The following ECSCR variants were observed in gnomAD, a reference collection of about 807,000 sequenced individuals.
ECSCR encodes the protein endothelial cell-specific chemotaxis regulator.
A neutral mutation model predicts 16.7 loss-of-function variants in ECSCR; 12 were observed. The observed-to-expected ratio is 0.72, with a 90% CI of 0.46 to 1.17. The LOEUF (loss-of-function observed/expected upper bound fraction) is 1.17. Among genes scored for constraint, ECSCR ranks in the 50% most tolerant of loss-of-function variants. ECSCR has a pLI of 0.00. For synonymous variants in ECSCR, 44 were observed against 42.2 expected, an observed-to-expected ratio of 1.04 and a Z score of -0.17; for missense variants, 122 against 116.1, an observed-to-expected ratio of 1.05 and a Z score of -0.23.
intron 8 of ECSCR, 37 bp from the exon 9 acceptor site, chr5:139,449,211 G>T: frequency 6.8e-7 from 1 of 1,467,822 alleles, no homozygotes. Context: ...AAGAGAGGAG[G>T]AGGGCAGGGC....
chr5:139,451,031 G>C (rs994005596), intron 8 of ECSCR, among the ~76,000 whole-genome samples: 1 of 152,080 alleles, frequency 6.6e-6, no homozygotes, highest in Admixed American at 6.6e-5. Context: ...GTCTGCCCCT[G>C]TCCTGCCCAC....
At chr5:139,450,185 G>A (rs1032959748) in intron 8 of ECSCR, among the ~76,000 whole-genome samples, 4 of 152,020 alleles carry the variant, frequency 2.6e-5, no homozygotes, top group South Asian at 2.1e-4. Flanking sequence ...GAGCCACCGC[G>A]CCTGGCCTAA....
intron 8 of ECSCR, among the ~76,000 whole-genome samples, chr5:139,449,732 A>G (rs1750994858): frequency 6.6e-6 from 1 of 151,568 alleles, no homozygotes; most frequent in Non-Finnish European, 1.5e-5. Flanking sequence ...TTATTTTTTT[A>G]GTTTTTATTG....
chr5:139,448,890 A>G lies in ECSCR; in HGVS notation c.*10T>C. The G allele has an allele frequency of 6.5e-7, 1 of 1,537,258 alleles. No individual in the cohort carries two copies. Among genetic ancestry groups the G allele is most frequent in the South Asian group, 1.2e-5 (1 of 84,064 alleles). On this transcript the variant is annotated 3_prime_UTR_variant, in exon 10 of 10. Transcript: ENST00000618155. ...ATCATCCTTGGACTCATGGGGACCCAAAGTTGCTTTTAAAGAACCTGCAAA... is the reference window on the plus strand; with the variant it reads ...ATCATCCTTGGACTCATGGGGACCCGAAGTTGCTTTTAAAGAACCTGCAAA...
At chr5:139,461,577 A>C (rs1438032751) in intron 1 of ECSCR, among the ~76,000 whole-genome samples, 1 of 152,124 alleles carries the variant, frequency 6.6e-6, no homozygotes, top group Admixed American at 6.5e-5. Flanking sequence ...CCACCTCATG[A>C]GCTTCACCTG....
intron 8 of ECSCR, among the ~76,000 whole-genome samples, chr5:139,454,394 G>T (rs1751112371): frequency 1.3e-5 from 2 of 149,212 alleles, no homozygotes; most frequent in East Asian, 4.0e-4. Context: ...GAAGTGTAGG[G>T]TGTGTGGTGG....
At chr5:139,461,192 A>G (rs1160833125) in intron 1 of ECSCR, among the ~76,000 whole-genome samples, 2 of 152,206 alleles carry the variant, frequency 1.3e-5, no homozygotes, top group Non-Finnish European at 2.9e-5. Context: ...AAGTGGTATC[A>G]GTACCTCGCA....
chr5:139,460,082 G>A (rs1407829266), intron 1 of ECSCR, among the ~76,000 whole-genome samples: 2 of 151,918 alleles, frequency 1.3e-5, no homozygotes, highest in Admixed American at 1.3e-4. Context: ...CCCAAGGCAT[G>A]TCCTGAAAAC....
At chr5:139,460,321 A>T (rs964674475) in intron 1 of ECSCR, among the ~76,000 whole-genome samples, 2 of 152,058 alleles carry the variant, frequency 1.3e-5, no homozygotes, top group Admixed American at 1.3e-4. Context: ...TGTTTAGTAG[A>T]GATGGGGTTT....
intron 8 of ECSCR, among the ~76,000 whole-genome samples, chr5:139,453,792 G>A (rs1404947473): frequency 1.4e-5 from 2 of 145,704 alleles, no homozygotes; most frequent in Non-Finnish European, 3.0e-5. Flanking sequence ...TATAGTACAG[G>A]GTGTGTGTGG....
chr5:139,455,143 A>G (rs921488923), intron 6 of ECSCR, among the ~76,000 whole-genome samples, 180 bp downstream of exon 6: 2 of 150,168 alleles, frequency 1.3e-5, no homozygotes, highest in African/African-American at 2.5e-5. Context: ...CATGGAACCC[A>G]GCACAGCCAA....
At chr5:139,455,779 C>T (rs955770062) in intron 5 of ECSCR, among the ~76,000 whole-genome samples, 15 of 143,802 alleles carry the variant, frequency 1.0e-4, no homozygotes, top group Non-Finnish European at 1.8e-4. Context: ...GAGTTTGAGA[C>T]CAGCCTGACC....
intron 1 of ECSCR, among the ~76,000 whole-genome samples, chr5:139,458,500 C>CAAAAAAAAAAAAAAAAAAAAAAAA (rs397882364): frequency 2.9e-4 from 25 of 85,352 alleles, no homozygotes; most frequent in Middle Eastern, 8.8e-3. Context: ...CCTATCTCAA[C>CAAAAAAAAAAAAAAAAAAAAAAAA]AAAAAAAAAA....
At chr5:139,459,365 A>G (rs1751242350) in intron 1 of ECSCR, among the ~76,000 whole-genome samples, 1 of 152,068 alleles carries the variant, frequency 6.6e-6, no homozygotes, top group Non-Finnish European at 1.5e-5. Context: ...AGCATGAGCA[A>G]CCCATTCACT....
intron 5 of ECSCR, among the ~76,000 whole-genome samples, chr5:139,455,921 A>G (rs1751149016): frequency 6.6e-6 from 1 of 151,964 alleles, no homozygotes; most frequent in Non-Finnish European, 1.5e-5. Flanking sequence ...CAGGAGTTCA[A>G]GACCAGCCTG....
chr5:139,450,337 T>G (rs184270942), intron 8 of ECSCR, among the ~76,000 whole-genome samples: 233 of 152,100 alleles, frequency 1.5e-3, no homozygotes, highest in Middle Eastern at 3.4e-3. Flanking sequence ...ATCTTATATC[T>G]ATTAAAAAAA....
At position 139,455,434 on chromosome 5, in the gene ECSCR, T is replaced by G. The variant is rs1219598547; in HGVS notation, c.265A>C (p.Thr89Pro). Residue 89 changes from threonine to proline, a missense_variant and splice_region_variant, in exon 6 of 10, where the codon ACA becomes CCA. Transcript: ENST00000618155. ...SGRDGGTSRD[T>P]FQTVPPNSTT... is the part of the protein sequence containing the mutation. ...GAATTGGGGGGAACAGTTTGAAATGTGTCTAAAATGGAGTGGAGTCAGGGG... is the reference window on the plus strand; with the variant it reads ...GAATTGGGGGGAACAGTTTGAAATGGGTCTAAAATGGAGTGGAGTCAGGGG... 5.0e-6 allele frequency: 2 copies of G among 398,318 alleles called. No homozygotes were observed. The highest frequency in any genetic ancestry group is 8.8e-6 in the Non-Finnish European group (2 of 226,004). 24.7% of individuals were successfully genotyped at this position (398,318 alleles called of 1,614,324 possible).
In ECSCR at chr5:139,455,432, T is replaced by G; in HGVS notation, c.267A>C (p.Thr89=). 1 of 398,402 alleles carries G rather than the reference T, an allele frequency of 2.5e-6. No homozygotes were observed. Among genetic ancestry groups the G allele is most frequent in the Non-Finnish European group, 4.4e-6 (1 of 225,996 alleles). 24.7% of individuals were successfully genotyped at this position (398,402 alleles called of 1,614,324 possible). The part of the protein sequence containing the change: ...SGRDGGTSRD[T]FQTVPPNSTT... The stretch of plus-strand genomic sequence containing the variant: ...TTGAATTGGGGGGAACAGTTTGAAA[T>G]GTGTCTAAAATGGAGTGGAGTCAGG... The change falls in exon 6 of 10, where the codon ACA becomes ACC. Residue 89 remains threonine, a synonymous_variant. Transcript: ENST00000618155.
chr5:139,452,527 A>G (rs2152088624), intron 8 of ECSCR, among the ~76,000 whole-genome samples: 6 of 434 alleles, frequency 0.014, no homozygotes, highest in East Asian at 0.062. Flanking sequence ...TATGTATAGT[A>G]TGGAGTGTGT....
Sources: allele counts gnomAD v4.1 joint callset (sites outside exome capture counted in the v4.1 genomes callset), GRCh38; gene constraint gnomAD v4.1.1; transcripts MANE v1.5; gene names NCBI Gene and HGNC (gene_info 2026-07-23, HGNC 2026-07-21).